RORA: variants seen among roughly 807,000 people sequenced by gnomAD.
RORA encodes the protein nuclear receptor ROR-alpha.
A neutral mutation model predicts 69.5 loss-of-function variants in RORA; 7 were observed. That is an observed-to-expected ratio of 0.10 (90% CI 0.06 to 0.19). RORA has a LOEUF of 0.19. Among genes scored for constraint, RORA ranks in the 10% least tolerant of loss-of-function variants. The pLI, the probability that RORA is intolerant of heterozygous loss-of-function variation, is 1.00. For synonymous variants in RORA, 261 were observed against 240.8 expected, an observed-to-expected ratio of 1.08 and a Z score of -0.78; for missense variants, 457 against 663.0, an observed-to-expected ratio of 0.69 and a Z score of 3.41.
At chr15:60,615,370 C>T (rs924915788) in intron 2 of RORA, among the ~76,000 whole-genome samples, 6 of 152,286 alleles carry the variant, frequency 3.9e-5, no homozygotes, top group Non-Finnish European at 2.9e-5. Context: ...AATAACACCC[C>T]AGCCGGTATC....
chr15:61,150,918 T>C lies in RORA; in HGVS notation c.166+78135A>G, dbSNP rs1220655157. Among the ~76,000 whole-genome samples the C allele has an allele frequency of 3.3e-5, 5 of 152,216 alleles. No individual in the cohort carries two copies. The East Asian group carries it at 9.6e-4, about 29-fold the overall frequency. On this transcript the variant is annotated intron_variant, in intron 1 of 10. Transcript: ENST00000335670. Reference sequence around the variant, plus strand: ...CTTTCATTTTTTAAATTAATTTAAATAGAACTATGCATATCTGCAGAGCTT... The same window carrying C: ...CTTTCATTTTTTAAATTAATTTAAACAGAACTATGCATATCTGCAGAGCTT...
chr15:61,100,300 A>C (rs184177913), intron 1 of RORA, among the ~76,000 whole-genome samples: 253 of 151,904 alleles, frequency 1.7e-3, no homozygotes, highest in African/African-American at 3.1e-3. Context: ...TTGTATTTTT[A>C]GTAGAGATGG....
intron 1 of RORA, among the ~76,000 whole-genome samples, chr15:61,104,963 G>A (rs1384874038): frequency 1.3e-5 from 2 of 151,698 alleles, no homozygotes; most frequent in East Asian, 1.9e-4. Flanking sequence ...CATGTAAGAT[G>A]TGCCTTTCGT....
chr15:60,870,885 C>T (rs1274202557), intron 1 of RORA, among the ~76,000 whole-genome samples: 1 of 152,180 alleles, frequency 6.6e-6, no homozygotes, highest in Non-Finnish European at 1.5e-5. Context: ...TTGTTCTTTT[C>T]CAAGACAATC....
At chr15:61,139,142 T>TA (rs61302970) in intron 1 of RORA, among the ~76,000 whole-genome samples, 215 of 136,444 alleles carry the variant, frequency 1.6e-3, no homozygotes, top group Middle Eastern at 3.9e-3. Flanking sequence ...AGACTCCGTC[T>TA]AAAAAAAAAA....
chr15:60,522,675 T>A (rs754518447), intron 3 of RORA, among the ~76,000 whole-genome samples: 9 of 145,636 alleles, frequency 6.2e-5, no homozygotes, highest in Non-Finnish European at 1.1e-4. Flanking sequence ...GAAGGTGAGG[T>A]GGGAAGATTG....
intron 1 of RORA, among the ~76,000 whole-genome samples, chr15:60,992,762 T>C (rs1231240878): frequency 6.6e-6 from 1 of 152,226 alleles, no homozygotes; most frequent in Non-Finnish European, 1.5e-5. Flanking sequence ...AATGCACCTG[T>C]AGACATTAAG....
At chr15:61,078,329 C>CTCTG (rs1194372036) in intron 1 of RORA, among the ~76,000 whole-genome samples, 13 of 133,182 alleles carry the variant, frequency 9.8e-5, no homozygotes, top group African/African-American at 3.4e-4. Flanking sequence ...ACACCTGGCT[C>CTCTG]TGTGTGTGTG....
chr15:60,717,563 C>T (rs1381863562), intron 1 of RORA, among the ~76,000 whole-genome samples: 1 of 152,122 alleles, frequency 6.6e-6, no homozygotes, highest in Non-Finnish European at 1.5e-5. Context: ...AGTTATAAAA[C>T]CTTTATCATG....
chr15:61,059,690 T>A lies in RORA; in HGVS notation c.166+169363A>T, dbSNP rs557242653. ...ATAAAAGATTCTTCTTCTCAATTTT[T>A]TTTTAATGTGTCCTGTCCCTAAATA... On this transcript the variant is annotated intron_variant, in intron 1 of 10. Transcript: ENST00000335670. Among the ~76,000 whole-genome samples the A allele has an allele frequency of 2.6e-5, 4 of 152,248 alleles. No individual in the cohort carries two copies. In the South Asian group the frequency reaches 8.3e-4, roughly 32 times the overall value.
chr15:60,817,267 T>A (rs2072831590), intron 1 of RORA, among the ~76,000 whole-genome samples: 1 of 152,216 alleles, frequency 6.6e-6, no homozygotes, highest in African/African-American at 2.4e-5. Context: ...TCTCAGTGCA[T>A]CGAAAAGTTA....
At chr15:60,976,542 G>T (rs761451963) in intron 1 of RORA, among the ~76,000 whole-genome samples, 6 of 152,084 alleles carry the variant, frequency 3.9e-5, no homozygotes, top group Non-Finnish European at 7.3e-5. Context: ...TTTCAATTCT[G>T]CCAGTTTGAT....
intron 1 of RORA, among the ~76,000 whole-genome samples, chr15:60,811,717 A>C (rs2072746055): frequency 6.6e-6 from 1 of 152,146 alleles, no homozygotes; most frequent in Non-Finnish European, 1.5e-5. Flanking sequence ...CCCACATCTC[A>C]ATTCTCATTT....
intron 1 of RORA, among the ~76,000 whole-genome samples, chr15:61,026,028 C>T (rs1895790758): frequency 1.3e-5 from 2 of 152,168 alleles, no homozygotes; most frequent in African/African-American, 2.4e-5. Flanking sequence ...GAGAGAAGCA[C>T]ATTTTCCATG....
chr15:61,147,874 G>A lies in RORA; in HGVS notation c.166+81179C>T, dbSNP rs990191099. On this transcript the variant is annotated intron_variant, in intron 1 of 10. Coordinates refer to ENST00000335670, the MANE Select transcript of RORA (RefSeq NM_134261.3). The surrounding 1 kb of genome is among the most constrained non-coding windows in gnomAD (Gnocchi z 4.1). ...ACTGTGTATCATGCAGAGGAAACAG[G>A]CAGAAACTTGGCAGGGCAGGAACAA... 2.0e-5 allele frequency among the ~76,000 whole-genome samples: 3 copies of A among 151,946 alleles called. No individual in the cohort carries two copies. The highest frequency in any genetic ancestry group is 7.2e-5 in the African/African-American group (3 of 41,380).
chr15:60,678,373 T>G (rs1021792276), intron 2 of RORA: 2 of 337,226 alleles, frequency 5.9e-6, no homozygotes, highest in Admixed American at 9.1e-5. Flanking sequence ...GATCAGTAAG[T>G]AATTGATCCT....
intron 1 of RORA, among the ~76,000 whole-genome samples, chr15:61,037,508 AG>A (rs1489322239): frequency 6.6e-6 from 1 of 152,210 alleles, no homozygotes; most frequent in Non-Finnish European, 1.5e-5. Flanking sequence ...ACGCAGCCAC[AG>A]GGCAGGAGAC....
intron 1 of RORA, among the ~76,000 whole-genome samples, chr15:61,044,153 C>T (rs993809190): frequency 1.3e-5 from 2 of 152,124 alleles, no homozygotes; most frequent in Non-Finnish European, 2.9e-5. Flanking sequence ...GCTTCCTCTG[C>T]TAGGAAGAGA....
At chr15:61,020,528 A>G (rs559020412) in intron 1 of RORA, among the ~76,000 whole-genome samples, 3 of 152,336 alleles carry the variant, frequency 2.0e-5, no homozygotes, top group African/African-American at 7.2e-5. Context: ...TTTATTGAAG[A>G]TAATGATGTC....
Sources: gnomAD v4.1 joint callset for allele counts (sites outside exome capture counted in the v4.1 genomes callset) on GRCh38, gnomAD v4.1.1 for gene constraint, Gnocchi (gnomAD v3.1) non-coding constraint, MANE v1.5 for transcripts, NCBI Gene and HGNC (gene_info 2026-07-23, HGNC 2026-07-21) for gene names.